EMX1: variants seen among roughly 807,000 people sequenced by gnomAD.
EMX1 encodes homeobox protein EMX1.
Under a neutral mutation model 20.1 loss-of-function variants are expected in EMX1, and 10 were observed. The observed-to-expected ratio is 0.50, with a 90% confidence interval of 0.31 to 0.84. The LOEUF (loss-of-function observed/expected upper bound fraction) is 0.84. EMX1 is among the 40% of genes least tolerant of loss of function. The pLI, the probability that EMX1 is intolerant of heterozygous loss-of-function variation, is 0.05. For missense variants in EMX1, 424 were observed against 431.9 expected, an observed-to-expected ratio of 0.98 and a Z score of 0.16; for synonymous variants, 250 against 200.4, an observed-to-expected ratio of 1.25 and a Z score of -2.09.
intron 2 of EMX1, among the ~76,000 whole-genome samples, chr2:72,931,376 C>T (rs1671277906): frequency 6.6e-6 from 1 of 152,194 alleles, no homozygotes; most frequent in Admixed American, 6.5e-5. Flanking sequence ...CAGAAAAGGG[C>T]CCCCGGTCCC....
rs1671336846 is a variant in EMX1 at position 72,934,688 on chromosome 2, G to A, written c.*734G>A. ...GTGCTTCCCTCTGCCTAGAGACTCTGGTGGCTTCTCCAGTTGAGGAGAAAC... is the reference window on the plus strand; with the variant it reads ...GTGCTTCCCTCTGCCTAGAGACTCTAGTGGCTTCTCCAGTTGAGGAGAAAC... On this transcript the variant is annotated 3_prime_UTR_variant, in exon 3 of 3. Transcript: ENST00000258106. The A allele has an allele frequency of 6.6e-6, 1 of 152,162 alleles. No homozygotes were observed. The highest frequency in any genetic ancestry group is 6.5e-5 in the Admixed American group (1 of 15,272). The allele number at this position is 152,162 out of a possible 1,614,324, so 9.4% of individuals were successfully genotyped here.
upstream of EMX1, chr2:72,917,371 G>C (rs138008557): frequency 0.015 from 4,615 of 306,636 alleles, 64 homozygotes; most frequent in Middle Eastern, 0.043. Flanking sequence ...GAGGAGGCCT[G>C]GATCTCCCCG....
At position 72,917,611 on chromosome 2, in the gene EMX1, G is replaced by T; in HGVS notation, c.-242G>T. On this transcript the variant is annotated 5_prime_UTR_variant, in exon 1 of 3. Transcript: ENST00000258106. ...GTCGGTCCCAGCGGGACTCCGAAAG[G>T]AGGGAGACGAGCTCAACCCTCGGGC... 2 of 230,716 alleles carry T rather than the reference G, an allele frequency of 8.7e-6. No homozygotes were observed. The highest frequency in any genetic ancestry group is 1.6e-5 in the Non-Finnish European group (2 of 121,748). The allele number at this position is 230,716 out of a possible 1,614,324, so 14.3% of individuals were successfully genotyped here.
At position 72,923,968 on chromosome 2, in the gene EMX1, T is replaced by C; in HGVS notation, c.521-341T>C. The C allele has an allele frequency of 4.5e-6, 2 of 447,572 alleles. 1 individual carries two copies. Among genetic ancestry groups the C allele is most frequent in the South Asian group, 5.0e-5 (2 of 39,906 alleles). 27.7% of individuals were successfully genotyped at this position (447,572 alleles called of 1,614,324 possible). ...GCCATGGACTTTTCTTCCCCACCCCTTGGCCTCTTCCGCTGCCCCAGGCAT... is the reference window on the plus strand; with the variant it reads ...GCCATGGACTTTTCTTCCCCACCCCCTGGCCTCTTCCGCTGCCCCAGGCAT... On this transcript the variant is annotated intron_variant, in intron 1 of 2. Transcript: ENST00000258106.
In EMX1 at chr2:72,917,723, T is replaced by C. The variant is rs1254983490; in HGVS notation, c.-130T>C. On this transcript the variant is annotated 5_prime_UTR_variant, in exon 1 of 3. Coordinates refer to ENST00000258106, the MANE Select transcript of EMX1 (RefSeq NM_004097.3). The stretch of plus-strand genomic sequence containing the variant: ...GCTCCGCCGCAGCAGCCGCCGCGCC[T>C]GGCCGTACGCTGTGGCCGGACCCCG... The C allele has an allele frequency of 1.0e-5, 9 of 899,144 alleles. No individual in the cohort carries two copies. 55.7% of individuals were successfully genotyped at this position (899,144 alleles called of 1,614,324 possible).
At position 72,917,819 on chromosome 2, in the gene EMX1, G is replaced by A. The variant is rs1297654376; in HGVS notation, c.-34G>A. The A allele has an allele frequency of 2.3e-6, 3 of 1,286,442 alleles. No individual in the cohort carries two copies. Among genetic ancestry groups the A allele is most frequent in the Admixed American group, 8.5e-5 (2 of 23,642 alleles). The allele number at this position is 1,286,442 out of a possible 1,614,324, so 79.7% of individuals were successfully genotyped here. On this transcript the variant is annotated 5_prime_UTR_variant, in exon 1 of 3. Transcript: ENST00000258106. The stretch of plus-strand genomic sequence containing the variant: ...CCGCGGGGGCCGAGCGCGAGCGGGC[G>A]GGCGGGGGAGGTGAGGGGTGCGGGC...
intron 2 of EMX1, among the ~76,000 whole-genome samples, chr2:72,928,866 T>G (rs972201585): frequency 6.6e-6 from 1 of 151,942 alleles, no homozygotes; most frequent in Non-Finnish European, 1.5e-5. Flanking sequence ...CCTGGAAGAC[T>G]TGGGGGGATG....
chr2:72,918,005 GGACGGCGGCACC>G lies in EMX1; in HGVS notation c.155_166del (p.Asp52_Thr55del). 1 of 1,454,774 alleles carries G rather than the reference GGACGGCGGCACC, an allele frequency of 6.9e-7. No individual in the cohort carries two copies. The highest frequency in any genetic ancestry group is 9.0e-7 in the Non-Finnish European group (1 of 1,112,106). The allele number at this position is 1,454,774 out of a possible 1,614,324, so 90.1% of individuals were successfully genotyped here. On this transcript the variant is annotated inframe_deletion, in exon 1 of 3. Coordinates refer to ENST00000258106, the MANE Select transcript of EMX1 (RefSeq NM_004097.3). ...TTACCATAGAGTCCTTGGTGGCCAA[GGACGGCGGCACC>G]GGCGGGGGCACTGGCGGCGGGGGCG...
intron 2 of EMX1, chr2:72,926,440 C>T (rs1166802835): frequency 2.3e-6 from 1 of 425,588 alleles, no homozygotes; most frequent in Admixed American, 6.4e-5. Flanking sequence ...AAATGAGCTG[C>T]TTTTTGCATA....
intron 1 of EMX1, among the ~76,000 whole-genome samples, chr2:72,921,588 CTCTT>C (rs1270137621): frequency 3.9e-5 from 6 of 152,272 alleles, no homozygotes; most frequent in Middle Eastern, 3.4e-3. Flanking sequence ...ACTAAACATC[CTCTT>C]TCTAACAGGG....
upstream of EMX1, chr2:72,916,209 C>G (rs1034351020): frequency 1.2e-5 from 2 of 162,084 alleles, no homozygotes; most frequent in Middle Eastern, 2.8e-3. Context: ...CAAACCACGG[C>G]TCCCGGCGCT....
chr2:72,917,964 G>T lies in EMX1; in HGVS notation c.112G>T (p.Ala38Ser), dbSNP rs1238248541. ...CGCGGCTGCGACCATGTTCCAGCCC[G>T]CGGCCAAGCGCGGCTTTACCATAGA... The part of the protein sequence containing the change: ...APAAATMFQP[A>S]AKRGFTIESL... Residue 38 changes from alanine (A) to serine (S), a missense_variant, in exon 1 of 3, where the codon GCG (alanine) becomes TCG (serine). Coordinates refer to ENST00000258106, the MANE Select transcript of EMX1 (RefSeq NM_004097.3). 6.1e-6 allele frequency: 9 copies of T among 1,487,200 alleles called. No individual in the cohort carries two copies. The highest frequency in any genetic ancestry group is 7.1e-6 in the Non-Finnish European group (8 of 1,126,380). The allele number at this position is 1,487,200 out of a possible 1,614,324, so 92.1% of individuals were successfully genotyped here.
At position 72,917,799 on chromosome 2, in the gene EMX1, G is replaced by A; in HGVS notation, c.-54G>A. 4.0e-6 allele frequency: 5 copies of A among 1,262,002 alleles called. No individual in the cohort carries two copies. Among genetic ancestry groups the A allele is most frequent in the Non-Finnish European group, 5.0e-6 (5 of 1,005,794 alleles). The allele number at this position is 1,262,002 out of a possible 1,614,324, so 78.2% of individuals were successfully genotyped here. On this transcript the variant is annotated 5_prime_UTR_variant, in exon 1 of 3. Transcript: ENST00000258106. ...CCGCTCCGCGCCTGGCTCGCCCGCG[G>A]GGGCCGAGCGCGAGCGGGCGGGCGG...
At position 72,924,454 on chromosome 2, in the gene EMX1, G is replaced by T. The variant is rs1469408362; in HGVS notation, c.666G>T (p.Arg222=). Reference sequence around the variant, plus strand: ...ACCACTACGTGGTGGGCGCCGAGCGGAAGCAGCTGGCCGGCAGTCTCAGCC... The same window carrying T: ...ACCACTACGTGGTGGGCGCCGAGCGTAAGCAGCTGGCCGGCAGTCTCAGCC... ...EKNHYVVGAE[R]KQLAGSLSLS... The change falls in exon 2 of 3, where the codon CGG becomes CGT. Residue 222 remains arginine, a synonymous_variant. Coordinates refer to ENST00000258106, the MANE Select transcript of EMX1 (RefSeq NM_004097.3). 5 of 1,596,386 alleles carry T rather than the reference G, an allele frequency of 3.1e-6. No homozygotes were observed. The highest frequency in any genetic ancestry group is 4.3e-6 in the Non-Finnish European group (5 of 1,176,118).
chr2:72,917,742 GACCCCGCGGTCGCTCGCTCACAC>G lies in EMX1; in HGVS notation c.-105_-83del. 1 of 1,061,374 alleles carries G rather than the reference GACCCCGCGGTCGCTCGCTCACAC, an allele frequency of 9.4e-7. No homozygotes were observed. Among genetic ancestry groups the G allele is most frequent in the Non-Finnish European group, 1.2e-6 (1 of 843,842 alleles). The allele number at this position is 1,061,374 out of a possible 1,614,324, so 65.7% of individuals were successfully genotyped here. Reference sequence around the variant, plus strand: ...CGCGCCTGGCCGTACGCTGTGGCCGGACCCCGCGGTCGCTCGCTCACACACCCCTCGCCGCTCCGCGCCTGGCT... The same window carrying G: ...CGCGCCTGGCCGTACGCTGTGGCCGGACCCCTCGCCGCTCCGCGCCTGGCT... On this transcript the variant is annotated 5_prime_UTR_variant, in exon 1 of 3. Transcript: ENST00000258106.
upstream of EMX1, chr2:72,916,844 G>C (rs368158870): frequency 1.4e-6 from 1 of 717,196 alleles, no homozygotes; most frequent in Admixed American, 2.0e-5. Flanking sequence ...AGCCGGTCGC[G>C]GCACCGTGTC....
In EMX1 at chr2:72,924,330, G is replaced by A. The variant is rs1348927960; in HGVS notation, c.542G>A (p.Gly181Glu). The A allele has an allele frequency of 1.3e-6, 2 of 1,574,492 alleles. No homozygotes were observed. Among genetic ancestry groups the A allele is most frequent in the Non-Finnish European group, 8.6e-7 (1 of 1,167,802 alleles). ...RFQASDVPQDGLLLHGPFARK... is the reference protein window; with the variant it reads ...RFQASDVPQDELLLHGPFARK... The stretch of plus-strand genomic sequence containing the variant: ...GCAGCCAGCGACGTGCCCCAGGACG[G>A]GCTGCTTCTGCACGGCCCCTTCGCA... The change falls in exon 2 of 3, where the codon GGG becomes GAG. Residue 181 changes from glycine (G) to glutamate (E), a missense_variant. Physicochemically the swap from Gly to Glu is moderately conservative, Grantham distance 98 (BLOSUM62 -2). Around this residue, in one of 2 missense-constraint regions of EMX1, gnomAD observed 333 missense variants for 296.6 expected, o/e 1.12. Coordinates refer to ENST00000258106, the MANE Select transcript of EMX1 (RefSeq NM_004097.3).
chr2:72,928,943 C>T (rs1671244290), intron 2 of EMX1, among the ~76,000 whole-genome samples: 1 of 152,074 alleles, frequency 6.6e-6, no homozygotes, highest in Non-Finnish European at 1.5e-5. Context: ...ATAGAGCCAC[C>T]ATCTTGGAGC....
intron 1 of EMX1, among the ~76,000 whole-genome samples, chr2:72,921,435 G>T (rs953477269): frequency 6.6e-6 from 1 of 152,178 alleles, no homozygotes; most frequent in African/African-American, 2.4e-5. Context: ...AAGGGAAACT[G>T]AACCCCTGGT....
Sources: allele counts gnomAD v4.1 joint callset (sites outside exome capture counted in the v4.1 genomes callset), GRCh38; gene constraint gnomAD v4.1.1; regional missense constraint gnomAD v4.1.1; transcripts MANE v1.5; gene names NCBI Gene and HGNC (gene_info 2026-07-23, HGNC 2026-07-21).